TRAPPC11: variants seen among roughly 807,000 people sequenced by gnomAD.
TRAPPC11 encodes the protein trafficking protein particle complex subunit 11, also known as foie gras homolog.
TRAPPC11 carries 104 observed loss-of-function variants against 151.2 expected under a neutral mutation model. That is an observed-to-expected ratio of 0.69 (90% confidence interval 0.59 to 0.81). The LOEUF is 0.81. TRAPPC11 is among the 30% of genes least tolerant of loss of function. TRAPPC11 has a pLI of 0.00. For missense variants in TRAPPC11, 1,230 were observed against 1,349.6 expected, an observed-to-expected ratio of 0.91 and a Z score of 1.39; for synonymous variants, 456 against 472.3, an observed-to-expected ratio of 0.97 and a Z score of 0.45.
At chr4:183,709,328 C>T (rs1737227822) in intron 29 of TRAPPC11, among the ~76,000 whole-genome samples, 1 of 152,116 alleles carries the variant, frequency 6.6e-6, no homozygotes, top group Non-Finnish European at 1.5e-5. Flanking sequence ...GGAACAGTTC[C>T]TTGTTTATAT....
intron 5 of TRAPPC11, among the ~76,000 whole-genome samples, chr4:183,674,167 A>G (rs1441273647): frequency 6.6e-6 from 1 of 152,184 alleles, no homozygotes; most frequent in Non-Finnish European, 1.5e-5. Context: ...TAATCCCAGC[A>G]CTTTGGGAGG....
chr4:183,662,893 T>G (rs1363834025), intron 1 of TRAPPC11, among the ~76,000 whole-genome samples: 4 of 152,180 alleles, frequency 2.6e-5, no homozygotes, highest in Non-Finnish European at 4.4e-5. Flanking sequence ...AAATGCCGAT[T>G]TGTCTTAAAG....
chr4:183,693,733 A>G lies in TRAPPC11; in HGVS notation c.2382A>G (p.Lys794=). The G allele has an allele frequency of 6.2e-7, 1 of 1,613,270 alleles. No individual in the cohort carries two copies. Among genetic ancestry groups the G allele is most frequent in the Non-Finnish European group, 8.5e-7 (1 of 1,179,802 alleles). Residue 794 remains lysine (K), a synonymous_variant, in exon 21 of 30, where the codon AAA becomes AAG. Transcript: ENST00000334690. ...IRDVKLTAGL[K]PGQDANLTQK... Reference sequence around the variant, plus strand: ...ATGTGAAGCTCACCGCTGGCTTAAAACCAGGTAAGCATTCCTTTTTGTAAG... The same window carrying G: ...ATGTGAAGCTCACCGCTGGCTTAAAGCCAGGTAAGCATTCCTTTTTGTAAG...
intron 29 of TRAPPC11, among the ~76,000 whole-genome samples, chr4:183,711,440 C>T (rs1737335428): frequency 6.6e-6 from 1 of 152,162 alleles, no homozygotes. Context: ...ATGATGCACT[C>T]ATTTTTTGCT....
At position 183,684,841 on chromosome 4, in the gene TRAPPC11, G is replaced by A. The variant is rs1469939461; in HGVS notation, c.1567G>A (p.Ala523Thr). ...ITYSLELLGR[A>T]STLKDDQKSR... is the part of the protein sequence containing the mutation. ...TTACTCCCTAGAACTCCTTGGTAGA[G>A]GTAACCTGATGTTTTTTGAGTAAAA... Residue 523 changes from alanine (A) to threonine (T), a missense_variant and splice_region_variant, in exon 15 of 30, where the codon GCT (alanine) becomes ACT (threonine). Ala to Thr is a moderately conservative substitution (Grantham distance 58). Transcript: ENST00000334690. 6.2e-7 allele frequency: 1 copy of A among 1,608,670 alleles called. No individual in the cohort carries two copies. The highest frequency in any genetic ancestry group is 1.1e-5 in the South Asian group (1 of 89,560).
intron 23 of TRAPPC11, among the ~76,000 whole-genome samples, chr4:183,694,950 T>A (rs978380170): frequency 6.7e-6 from 1 of 148,976 alleles, no homozygotes; most frequent in African/African-American, 2.5e-5. Flanking sequence ...CTTTTCTTTT[T>A]TTTTTTTTTT....
chr4:183,710,290 CTTT>C (rs67614237), intron 29 of TRAPPC11, among the ~76,000 whole-genome samples: 2 of 146,754 alleles, frequency 1.4e-5, no homozygotes, highest in South Asian at 2.2e-4. Flanking sequence ...AGAAAATAAA[CTTT>C]TTTTTTTTTT....
At chr4:183,692,026 T>C (rs1342086916) in intron 19 of TRAPPC11, among the ~76,000 whole-genome samples, 1 of 152,160 alleles carries the variant, frequency 6.6e-6, no homozygotes, top group Non-Finnish European at 1.5e-5. Flanking sequence ...AGCCAAACTG[T>C]ATGGGTTTAA....
chr4:183,679,970 T>C lies in TRAPPC11; in HGVS notation c.966-150T>C, dbSNP rs1735593724. On this transcript the variant is annotated intron_variant, in intron 9 of 29. Transcript: ENST00000334690. ...ACCTACAGTTAGTGTGTATTAATAT[T>C]TACAAAGAAATTAGAACAAATATTA... The C allele has an allele frequency of 7.7e-6, 5 of 648,180 alleles. No homozygotes were observed. In the East Asian group the frequency reaches 1.4e-4, roughly 18 times the overall value. The allele number at this position is 648,180 out of a possible 1,614,324, so 40.2% of individuals were successfully genotyped here.
chr4:183,669,228 A>C (rs1201239273), intron 5 of TRAPPC11, among the ~76,000 whole-genome samples: 5 of 152,240 alleles, frequency 3.3e-5, no homozygotes, highest in Non-Finnish European at 7.3e-5. Context: ...ACATTGAGAT[A>C]ATTGCTTAGA....
intron 25 of TRAPPC11, 108 bp downstream of exon 25, chr4:183,697,943 G>A: frequency 2.8e-6 from 3 of 1,079,430 alleles, no homozygotes; most frequent in African/African-American, 1.6e-5. Context: ...GCTAAGTGAG[G>A]GAACTTGAGA....
chr4:183,679,540 G>T, intron 9 of TRAPPC11, 54 bp downstream of exon 9: 2 of 1,464,238 alleles, frequency 1.4e-6, no homozygotes, highest in South Asian at 2.8e-5. Flanking sequence ...ATAGTATTTG[G>T]AGAAATAGCA....
chr4:183,661,509 C>T (rs1734533536), intron 1 of TRAPPC11, among the ~76,000 whole-genome samples: 1 of 151,208 alleles, frequency 6.6e-6, no homozygotes, highest in South Asian at 2.1e-4. Context: ...GTAGCTGGGA[C>T]TACAGGCGCC....
In TRAPPC11 at chr4:183,712,880, T is replaced by C. The variant is rs900239618; in HGVS notation, c.*236T>C. The C allele has an allele frequency of 2.2e-6, 1 of 456,570 alleles. No individual in the cohort carries two copies. Among genetic ancestry groups the C allele is most frequent in the East Asian group, 3.3e-5 (1 of 29,994 alleles). The allele number at this position is 456,570 out of a possible 1,614,324, so 28.3% of individuals were successfully genotyped here. A position where few individuals can be genotyped will look rare whatever the true frequency, so the allele number is the denominator to read the frequency against. ...TACGACATGAAAGAATGTCAGACCA[T>C]TGTTATTGTTGAAAGTCATTTGATG... On this transcript the variant is annotated 3_prime_UTR_variant, in exon 30 of 30. Coordinates refer to ENST00000334690, the MANE Select transcript of TRAPPC11 (RefSeq NM_021942.6).
At chr4:183,664,284 GCTTT>G (rs1734728785) in intron 2 of TRAPPC11, among the ~76,000 whole-genome samples, 3 of 151,956 alleles carry the variant, frequency 2.0e-5, no homozygotes, top group Non-Finnish European at 4.4e-5. Flanking sequence ...ACTTTATAAA[GCTTT>G]CTATCCTATG....
chr4:183,686,878 T>TA (rs1327613021), intron 18 of TRAPPC11, 130 bp downstream of exon 18: 3 of 1,087,182 alleles, frequency 2.8e-6, no homozygotes, highest in African/African-American at 3.1e-5. Context: ...TGGTAAGGTC[T>TA]ATTCAAAAAT....
chr4:183,665,932 T>A (rs1734857270), intron 2 of TRAPPC11, among the ~76,000 whole-genome samples: 1 of 150,798 alleles, frequency 6.6e-6, no homozygotes, highest in South Asian at 2.1e-4. Context: ...TGGGCTACTT[T>A]TTTTTTTTTT....
At chr4:183,710,717 A>G (rs1737301017) in intron 29 of TRAPPC11, among the ~76,000 whole-genome samples, 1 of 151,742 alleles carries the variant, frequency 6.6e-6, no homozygotes, top group East Asian at 2.0e-4. Flanking sequence ...CTCTTTAATC[A>G]GTAGGGAAAA....
At position 183,685,159 on chromosome 4, in the gene TRAPPC11, G is replaced by A. The variant is rs751014910; in HGVS notation, c.1629+14G>A. 3 of 1,613,304 alleles carry A rather than the reference G, an allele frequency of 1.9e-6. No homozygotes were observed. Among genetic ancestry groups the A allele is most frequent in the East Asian group, 2.2e-5 (1 of 44,864 alleles). On this transcript the variant is annotated intron_variant, in intron 16 of 29. Coordinates refer to ENST00000334690, the MANE Select transcript of TRAPPC11 (RefSeq NM_021942.6). ...AATGTTTTAATGGTAGGTTGGAATT[G>A]TTTATATAGAGTGTGTTATTAGGAA...
Sources: allele counts gnomAD v4.1 joint callset (sites outside exome capture counted in the v4.1 genomes callset), GRCh38; gene constraint gnomAD v4.1.1; transcripts MANE v1.5; gene names NCBI Gene and HGNC (gene_info 2026-07-23, HGNC 2026-07-21).